Variants in SLC38A8 observed in about 807,000 individuals in gnomAD.
The protein encoded by SLC38A8 is solute carrier family 38 member 8, also known as amino acid transporter SLC38A8.
In SLC38A8, 65 loss-of-function variants were observed where a neutral mutation model predicts 46.0. That is an observed-to-expected ratio of 1.41 (90% CI 1.16 to 1.74). SLC38A8 has a LOEUF of 1.74. Among genes scored for constraint, SLC38A8 ranks in the 40% most tolerant of loss-of-function variants. The pLI is 0.00. For missense variants in SLC38A8, 998 were observed against 567.9 expected, an observed-to-expected ratio of 1.76 and a Z score of -7.70; for synonymous variants, 447 against 243.7, an observed-to-expected ratio of 1.83 and a Z score of -7.77.
At chr16:84,024,610 G>C (rs375081603) in intron 6 of SLC38A8, among the ~76,000 whole-genome samples, 1 of 151,504 alleles carries the variant, frequency 6.6e-6, no homozygotes, top group Admixed American at 6.6e-5. Context: ...GTGAAACCCC[G>C]TCTCTACTAA....
chr16:84,018,153 A>G (rs1053349264), intron 7 of SLC38A8, among the ~76,000 whole-genome samples: 2 of 151,008 alleles, frequency 1.3e-5, no homozygotes, highest in Non-Finnish European at 2.9e-5. Flanking sequence ...CTTCTTGCCA[A>G]TGGGGACTGT....
rs1000847035 is a variant in SLC38A8 at position 84,016,026 on chromosome 16, T to A, written c.1162+493A>T. On this transcript the variant is annotated intron_variant, in intron 9 of 10. Coordinates refer to ENST00000299709, the MANE Select transcript of SLC38A8 (RefSeq NM_001080442.3). ...AAAAGAGGTTTAATGGACTCACAGT[T>A]CCACATGGCTGAGGAGGCCTCACAA... 6.0e-5 allele frequency among the ~76,000 whole-genome samples: 9 copies of A among 150,426 alleles called. No individual in the cohort carries two copies. In the East Asian group the frequency reaches 1.4e-3, roughly 23 times the overall value.
intron 8 of SLC38A8, among the ~76,000 whole-genome samples, 187 bp downstream of exon 8, chr16:84,016,953 C>T (rs977466823): frequency 6.6e-6 from 1 of 152,198 alleles, no homozygotes; most frequent in African/African-American, 2.4e-5. Context: ...CCAGTCCTGG[C>T]TGTGGACACA....
At chr16:84,030,216 A>G (rs780405344) in intron 5 of SLC38A8, among the ~76,000 whole-genome samples, 6 of 152,126 alleles carry the variant, frequency 3.9e-5, no homozygotes, top group Non-Finnish European at 8.8e-5. Context: ...CGCGGCCCCC[A>G]GAAGCAGGAA....
intron 3 of SLC38A8, among the ~76,000 whole-genome samples, chr16:84,034,471 G>T (rs1456341787): frequency 6.6e-6 from 1 of 152,198 alleles, no homozygotes; most frequent in Non-Finnish European, 1.5e-5. Flanking sequence ...AGGGTGGTTG[G>T]AGGTGGGAGC....
chr16:84,018,111 G>T (rs1362428711), intron 7 of SLC38A8, among the ~76,000 whole-genome samples: 1 of 151,762 alleles, frequency 6.6e-6, no homozygotes, highest in Non-Finnish European at 1.5e-5. Flanking sequence ...AGGCTGAGAA[G>T]TCCAAGATTG....
chr16:84,017,405 G>A lies in SLC38A8; in HGVS notation c.806-118C>T, dbSNP rs377352671. The stretch of plus-strand genomic sequence containing the variant: ...CTAAGATTTTCCTTAGGAGCTGAAA[G>A]AAGGTTCTGGAAGGGATAGCCCAAA... On this transcript the variant is annotated intron_variant, in intron 7 of 10. Coordinates refer to ENST00000299709, the MANE Select transcript of SLC38A8 (RefSeq NM_001080442.3). 56 of 1,177,556 alleles carry A rather than the reference G, an allele frequency of 4.8e-5. No homozygotes were observed. In the Middle Eastern group the frequency reaches 7.6e-4, roughly 16 times the overall value. The allele number at this position is 1,177,556 out of a possible 1,614,324, so 72.9% of individuals were successfully genotyped here. A position where few individuals can be genotyped will look rare whatever the true frequency, so the allele number is the denominator to read the frequency against.
At chr16:84,031,122 C>A (rs1158079050) in intron 5 of SLC38A8, among the ~76,000 whole-genome samples, 2 of 152,134 alleles carry the variant, frequency 1.3e-5, no homozygotes, top group East Asian at 3.9e-4. Flanking sequence ...CTCACTGCAA[C>A]CTCTGCCACC....
At chr16:84,016,825 G>C (rs566398596) in intron 8 of SLC38A8, 98 bp from the exon 9 acceptor site, 8 of 1,304,528 alleles carry the variant, frequency 6.1e-6, no homozygotes, top group Non-Finnish European at 8.4e-6. Context: ...CCTCACACCT[G>C]TCAGTGCTCC....
chr16:84,040,848 T>G (rs999546792), intron 2 of SLC38A8, among the ~76,000 whole-genome samples: 1 of 152,006 alleles, frequency 6.6e-6, no homozygotes, highest in African/African-American at 2.4e-5. Flanking sequence ...GACTTCCCAT[T>G]AAAACAAAGC....
chr16:84,042,014 G>C lies in SLC38A8; in HGVS notation c.144C>G (p.Ala48=). 8.1e-6 allele frequency: 13 copies of C among 1,612,546 alleles called. No homozygotes were observed. The highest frequency in any genetic ancestry group is 1.3e-5 in the African/African-American group (1 of 74,990). Residue 48 remains alanine (A), a synonymous_variant, in exon 2 of 11, where the codon GCC becomes GCG. Transcript: ENST00000299709. The part of the protein sequence containing the change: ...LGAGLLNFPW[A]FSKAGGVVPA... ...GGACCACTCCGCCCGCTTTGGAGAA[G>C]GCCCAGGGGAAGTTGAGCAGGCCAG... is the stretch of plus-strand genomic sequence containing the variant.
At chr16:84,026,274 G>T (rs924037314) in intron 6 of SLC38A8, among the ~76,000 whole-genome samples, 6 of 152,190 alleles carry the variant, frequency 3.9e-5, no homozygotes, top group Admixed American at 1.3e-4. Context: ...CCATCGCCCA[G>T]GCTGGAGTAC....
intron 9 of SLC38A8, among the ~76,000 whole-genome samples, chr16:84,013,515 C>A (rs1415845225): frequency 6.9e-6 from 1 of 144,826 alleles, no homozygotes. Flanking sequence ...ACTGCAACCT[C>A]CACCTCCCGG....
At chr16:84,034,531 T>C (rs1317017746) in intron 3 of SLC38A8, among the ~76,000 whole-genome samples, 1 of 152,010 alleles carries the variant, frequency 6.6e-6, no homozygotes, top group Non-Finnish European at 1.5e-5. Flanking sequence ...CCACTGGAGA[T>C]GGGAGGCCGA....
At chr16:84,011,637 G>A (rs76191844) in intron 10 of SLC38A8, among the ~76,000 whole-genome samples, 6,728 of 152,318 alleles carry the variant, frequency 0.044, 201 homozygotes, top group South Asian at 0.1. Flanking sequence ...TGGAAACTGG[G>A]TTTTGCAGAT....
chr16:84,033,600 AC>A, intron 3 of SLC38A8, 131 bp from the exon 4 acceptor site: 1 of 1,042,594 alleles, frequency 9.6e-7, no homozygotes, highest in East Asian at 2.7e-5. Context: ...CAGGGATCAG[AC>A]GACAAGTGAG....
rs770936245 is a variant in SLC38A8, at chr16:84,017,333, G to A, written c.806-46C>T. On this transcript the variant is annotated intron_variant, in intron 7 of 10. Coordinates refer to ENST00000299709, the MANE Select transcript of SLC38A8 (RefSeq NM_001080442.3). ...AAGCCACAGAGTGGATTAGGAAAAT[G>A]CTGCCCCCTCCCCCACCAACAGACA... 19 of 1,604,422 alleles carry A rather than the reference G, an allele frequency of 1.2e-5. No homozygotes were observed. The Admixed American group carries it at 2.5e-4, about 21-fold the overall frequency.
chr16:84,032,583 C>G (rs540898718), intron 4 of SLC38A8, among the ~76,000 whole-genome samples: 1 of 152,232 alleles, frequency 6.6e-6, no homozygotes, highest in Non-Finnish European at 1.5e-5. Flanking sequence ...CAGCCTGATG[C>G]CTAAGGCAGG....
intron 6 of SLC38A8, among the ~76,000 whole-genome samples, chr16:84,026,966 C>G (rs1210391820): frequency 6.6e-6 from 1 of 152,162 alleles, no homozygotes; most frequent in African/African-American, 2.4e-5. Context: ...GGTTGCACAG[C>G]TCTGACTGTA....
Sources: allele counts gnomAD v4.1 joint callset (sites outside exome capture counted in the v4.1 genomes callset), GRCh38; gene constraint gnomAD v4.1.1; transcripts MANE v1.5; gene names NCBI Gene and HGNC (gene_info 2026-07-23, HGNC 2026-07-21).